Variants in MRPS6 observed in about 807,000 individuals in gnomAD.
The protein encoded by MRPS6 is mitochondrial ribosomal protein S6.
In MRPS6, 6 loss-of-function variants were observed where a neutral mutation model predicts 13.1. The ratio of observed to expected loss-of-function variants is 0.46; its 90% confidence interval spans 0.25 to 0.91. MRPS6 has a LOEUF of 0.91. Among genes scored for constraint, MRPS6 ranks in the 40% least tolerant of loss-of-function variants. The pLI is 0.18. For missense variants in MRPS6, 164 were observed against 155.6 expected (o/e 1.05, Z -0.29); for synonymous variants, 61 against 56.5 (o/e 1.08, Z -0.36).
At chr21:34,126,307 A>G (rs1170135372) in intron 2 of MRPS6, among the ~76,000 whole-genome samples, 1 of 152,206 alleles carries the variant, frequency 6.6e-6, no homozygotes, top group Non-Finnish European at 1.5e-5. Flanking sequence ...TGCGACGAGA[A>G]TGCTGCTTGT....
chr21:34,086,995 G>A (rs1452151308), intron 1 of MRPS6, among the ~76,000 whole-genome samples: 1 of 152,198 alleles, frequency 6.6e-6, no homozygotes, highest in Non-Finnish European at 1.5e-5. Flanking sequence ...CACACTAAGA[G>A]GTGGATGTCG....
chr21:34,091,427 T>G (rs1282445361), intron 1 of MRPS6, among the ~76,000 whole-genome samples: 6 of 152,200 alleles, frequency 3.9e-5, no homozygotes, highest in African/African-American at 1.4e-4. Flanking sequence ...AATAAGTTTC[T>G]GGTTTGGAAG....
chr21:34,105,317 T>C (rs946196592), intron 1 of MRPS6: 1 of 1,000,014 alleles, frequency 1.0e-6, no homozygotes, highest in Non-Finnish European at 1.2e-6. Context: ...CTTTTTTCTT[T>C]TTGATAAGAT....
intron 1 of MRPS6, chr21:34,105,328 G>A (rs1979429704): frequency 1.0e-6 from 1 of 998,346 alleles, no homozygotes; most frequent in African/African-American, 1.8e-5. Context: ...TTGATAAGAT[G>A]GATATCAAAA....
chr21:34,075,515 C>G (rs1049921018), intron 1 of MRPS6, among the ~76,000 whole-genome samples: 2 of 151,858 alleles, frequency 1.3e-5, no homozygotes, highest in Admixed American at 6.6e-5. Context: ...AATAACCTTC[C>G]TTGAAATCTT....
intron 2 of MRPS6, among the ~76,000 whole-genome samples, chr21:34,134,352 G>A (rs548134422): frequency 5.6e-4 from 86 of 152,274 alleles, no homozygotes; most frequent in African/African-American, 2.0e-3. Context: ...TAGTGGATTC[G>A]TTTGTACCGT....
intron 1 of MRPS6, among the ~76,000 whole-genome samples, chr21:34,106,420 T>G (rs1434458584): frequency 6.6e-6 from 1 of 152,218 alleles, no homozygotes; most frequent in Admixed American, 6.5e-5. Context: ...TTTTAATCTT[T>G]GTAAACACTG....
intron 2 of MRPS6, among the ~76,000 whole-genome samples, chr21:34,133,965 T>G (rs139050943): frequency 6.6e-6 from 1 of 152,270 alleles, no homozygotes; most frequent in South Asian, 2.1e-4. Context: ...GAAAAAAGCA[T>G]TGGGCCCCTG....
At position 34,142,728 on chromosome 21, in the gene MRPS6, G is replaced by C. The variant is rs374151798; in HGVS notation, c.*128G>C. The stretch of plus-strand genomic sequence containing the variant: ...TGCAGGTGCTGTTTGATTTTTCTAA[G>C]GTATTTTTAGCCCTTGATCCCCTTT... On this transcript the variant is annotated 3_prime_UTR_variant, in exon 3 of 3. Coordinates refer to ENST00000399312, the MANE Select transcript of MRPS6 (RefSeq NM_032476.4). The C allele has an allele frequency of 8.6e-6, 10 of 1,167,046 alleles. No homozygotes were observed. The highest frequency in any genetic ancestry group is 1.1e-5 in the Non-Finnish European group (10 of 881,082). The allele number at this position is 1,167,046 out of a possible 1,614,324, so 72.3% of individuals were successfully genotyped here. A position where few individuals can be genotyped will look rare whatever the true frequency, so the allele number is the denominator to read the frequency against.
At chr21:34,101,719 G>C (rs1336387455) in intron 1 of MRPS6, 2 of 995,878 alleles carry the variant, frequency 2.0e-6, no homozygotes, top group African/African-American at 1.8e-5. Context: ...AGGACTTTTA[G>C]ATCCAAATAA....
intron 1 of MRPS6, chr21:34,106,298 C>A: frequency 2.4e-6 from 1 of 412,408 alleles, no homozygotes; most frequent in Non-Finnish European, 3.4e-6. Context: ...TGAACACTGC[C>A]ACAATGTAGT....
At chr21:34,109,582 C>A (rs1408787985) in intron 1 of MRPS6, among the ~76,000 whole-genome samples, 1 of 152,066 alleles carries the variant, frequency 6.6e-6, no homozygotes, top group Admixed American at 6.6e-5. Context: ...TTTTATCTGC[C>A]GCAGAGTATA....
intron 1 of MRPS6, chr21:34,104,699 G>T (rs1036383656): frequency 1.0e-6 from 1 of 1,000,026 alleles, no homozygotes; most frequent in African/African-American, 1.7e-5. Flanking sequence ...GGCCTGGGGG[G>T]ATGAGGGGAA....
At chr21:34,075,089 A>G (rs576672297) in intron 1 of MRPS6, among the ~76,000 whole-genome samples, 1 of 152,358 alleles carries the variant, frequency 6.6e-6, no homozygotes, top group Non-Finnish European at 1.5e-5. Context: ...AAAGGATAGG[A>G]GCAGTGAAAA....
chr21:34,083,027 G>T (rs946198324), intron 1 of MRPS6, among the ~76,000 whole-genome samples: 9 of 152,100 alleles, frequency 5.9e-5, no homozygotes, highest in Non-Finnish European at 1.3e-4. Flanking sequence ...TCATAAACTG[G>T]CATTTTTCTG....
chr21:34,105,153 T>C, intron 1 of MRPS6: 1 of 1,000,122 alleles, frequency 1.0e-6, no homozygotes, highest in South Asian at 4.7e-5. Flanking sequence ...TTCCCTTGCT[T>C]TCCCCCACTG....
chr21:34,121,216 T>A (rs946223486), intron 1 of MRPS6, among the ~76,000 whole-genome samples: 1 of 152,070 alleles, frequency 6.6e-6, no homozygotes, highest in Non-Finnish European at 1.5e-5. Context: ...GATGAAGATA[T>A]CAGAATTGGG....
chr21:34,103,162 ATTCCATAATATAACCAGCTT>A, intron 1 of MRPS6: 3 of 1,000,006 alleles, frequency 3.0e-6, no homozygotes, highest in Non-Finnish European at 3.6e-6. Context: ...TATATATGGT[ATTCCATAATATAACCAGCTT>A]TTGAAATTTA....
intron 1 of MRPS6, chr21:34,097,990 TC>T (rs1173551644): frequency 2.0e-6 from 2 of 997,408 alleles, no homozygotes; most frequent in Non-Finnish European, 2.4e-6. Flanking sequence ...TTGTTCCAGT[TC>T]CTTTTTTTTT....
Sources: gnomAD v4.1 joint callset for allele counts (sites outside exome capture counted in the v4.1 genomes callset) on GRCh38, gnomAD v4.1.1 for gene constraint, MANE v1.5 for transcripts, NCBI Gene and HGNC (gene_info 2026-07-23, HGNC 2026-07-21) for gene names.